Variants in PIP5K1C observed in about 807,000 individuals in gnomAD.
PIP5K1C encodes phosphatidylinositol 4-phosphate 5-kinase type-1 gamma.
In PIP5K1C, 45 loss-of-function variants were observed where a neutral mutation model predicts 80.1. The ratio of observed to expected loss-of-function variants is 0.56; its 90% CI spans 0.44 to 0.72. The LOEUF (loss-of-function observed/expected upper bound fraction) is 0.72. Ranked by LOEUF, PIP5K1C falls within the 30% of genes least tolerant of loss-of-function variation. The pLI, the probability that PIP5K1C is intolerant of heterozygous loss-of-function variation, is 0.00. For synonymous variants in PIP5K1C, 498 were observed against 420.1 expected (o/e 1.19, Z -2.27); for missense variants, 753 against 954.6 (o/e 0.79, Z 2.78).
intron 1 of PIP5K1C, among the ~76,000 whole-genome samples, chr19:3,690,164 A>G (rs1279869256): frequency 6.6e-6 from 1 of 151,818 alleles, no homozygotes; most frequent in Non-Finnish European, 1.5e-5. Context: ...ACATGGCTGT[A>G]GCATGAAGGT....
rs558732014 is a variant in PIP5K1C at position 3,688,341 on chromosome 19, G to A, written c.94+11956C>T. ...GTGGTGGGAAACAGAGCGGGGTGCCGCAGGGGAGCCCGCAGGAGCTCCTGT... is the reference window on the plus strand; with the variant it reads ...GTGGTGGGAAACAGAGCGGGGTGCCACAGGGGAGCCCGCAGGAGCTCCTGT... On this transcript the variant is annotated intron_variant, in intron 1 of 17. Coordinates refer to ENST00000335312, the MANE Select transcript of PIP5K1C (RefSeq NM_012398.3). The surrounding 1 kb of genome is among the most constrained non-coding windows in gnomAD (Gnocchi z 5.3). 5.9e-5 allele frequency among the ~76,000 whole-genome samples: 9 copies of A among 152,274 alleles called. No homozygotes were observed. The highest frequency in any genetic ancestry group is 1.2e-4 in the Non-Finnish European group (8 of 68,002).
At chr19:3,671,945 G>A (rs890464338) in intron 1 of PIP5K1C, among the ~76,000 whole-genome samples, 2 of 152,228 alleles carry the variant, frequency 1.3e-5, no homozygotes, top group Admixed American at 1.3e-4. Flanking sequence ...GTCGGGGGAG[G>A]AAAGGCGAGC....
intron 5 of PIP5K1C, 44 bp from the exon 6 acceptor site, chr19:3,656,601 C>A: frequency 2.5e-6 from 4 of 1,608,306 alleles, no homozygotes; most frequent in Non-Finnish European, 3.4e-6. Flanking sequence ...AGCTGCCGGA[C>A]ACACAGACAG....
At chr19:3,684,191 G>A (rs993282342) in intron 1 of PIP5K1C, among the ~76,000 whole-genome samples, 2 of 152,140 alleles carry the variant, frequency 1.3e-5, no homozygotes, top group African/African-American at 2.4e-5. Context: ...CGCTCACAGC[G>A]CTGCAGTGGT....
In PIP5K1C at chr19:3,660,978, T is replaced by C; in HGVS notation, c.456A>G (p.Pro152=). The C allele has an allele frequency of 6.2e-7, 1 of 1,612,876 alleles. No individual in the cohort carries two copies. Among genetic ancestry groups the C allele is most frequent in the Non-Finnish European group, 8.5e-7 (1 of 1,179,002 alleles). ...CAAATATGCTTACCAAGTAATCATC[T>C]GGCCGGATCCCAAAGAGCTCCCGGA... The part of the protein sequence containing the change: ...RYFRELFGIR[P]DDYLYSLCNE... Residue 152 remains proline (P), a synonymous_variant, in exon 5 of 18, where the codon CCA becomes CCG. Transcript: ENST00000335312.
rs116202378 is a variant in PIP5K1C, at chr19:3,660,990, A to G, written c.444T>C (p.Phe148=). The G allele has an allele frequency of 1.9e-6, 3 of 1,613,750 alleles. No individual in the cohort carries two copies. Among genetic ancestry groups the G allele is most frequent in the Non-Finnish European group, 1.7e-6 (2 of 1,179,716 alleles). Residue 148 remains phenylalanine, a synonymous_variant, in exon 5 of 18, where the codon TTT becomes TTC. Transcript: ENST00000335312. ...PVAFRYFREL[F]GIRPDDYLYS... The stretch of plus-strand genomic sequence containing the variant: ...CCAAGTAATCATCTGGCCGGATCCC[A>G]AAGAGCTCCCGGAAGTAGCGGAAGG...
Position 3,633,561 on chromosome 19 carries a change from G to A in PIP5K1C, c.1921-41C>T, listed in dbSNP as rs762203485. 55 of 1,395,636 alleles carry A rather than the reference G, an allele frequency of 3.9e-5. 1 individual carries two copies. Among genetic ancestry groups the A allele is most frequent in the Non-Finnish European group, 5.0e-5 (52 of 1,050,234 alleles). 86.5% of individuals were successfully genotyped at this position (1,395,636 alleles called of 1,614,324 possible). ...GCGTGCAGGAGGGCGCGGAAGAGCAGGGTGCGAGGAGGTGCAAGAGAGGCA... is the reference window on the plus strand; with the variant it reads ...GCGTGCAGGAGGGCGCGGAAGAGCAAGGTGCGAGGAGGTGCAAGAGAGGCA... On this transcript the variant is annotated intron_variant, in intron 16 of 17. Transcript: ENST00000335312.
At chr19:3,677,073 G>A (rs2035381937) in intron 1 of PIP5K1C, among the ~76,000 whole-genome samples, 2 of 152,072 alleles carry the variant, frequency 1.3e-5, no homozygotes, top group South Asian at 4.1e-4. Flanking sequence ...CTGCACTCTA[G>A]CCTGGGCAAC....
rs1484291922 is a variant in PIP5K1C, at chr19:3,688,451, C to G, written c.94+11846G>C. ...GAAGACCGGAAGGCTATTTCCAGGG[C>G]AGCACCCCCAGGACTCTGGGGCACA... On this transcript the variant is annotated intron_variant, in intron 1 of 17. Coordinates refer to ENST00000335312, the MANE Select transcript of PIP5K1C (RefSeq NM_012398.3). This position sits in a 1 kb window ranked among gnomAD's most constrained non-coding sequence, Gnocchi z 5.3. Among the ~76,000 whole-genome samples, 1 of 152,116 alleles carries G rather than the reference C, an allele frequency of 6.6e-6. No individual in the cohort carries two copies. The highest frequency in any genetic ancestry group is 1.9e-4 in the East Asian group (1 of 5,174).
intron 10 of PIP5K1C, 94 bp from the exon 11 acceptor site, chr19:3,646,152 G>C (rs1311911268): frequency 1.0e-5 from 8 of 784,672 alleles, no homozygotes; most frequent in Non-Finnish European, 1.8e-5. Context: ...TGTGTGGGGG[G>C]CACCTTCTGT....
chr19:3,693,228 A>G (rs559516011), intron 1 of PIP5K1C, among the ~76,000 whole-genome samples: 2 of 152,276 alleles, frequency 1.3e-5, no homozygotes, highest in African/African-American at 4.8e-5. Context: ...CTTCAGCAGC[A>G]GCCCTGCCTG....
chr19:3,687,574 CGCACACACAT>C (rs577103333), intron 1 of PIP5K1C, among the ~76,000 whole-genome samples: 75 of 149,812 alleles, frequency 5.0e-4, no homozygotes, highest in African/African-American at 1.8e-3. Context: ...CACATGCACA[CGCACACACAT>C]GCAGATACAC....
chr19:3,633,560 A>G (rs777096678), intron 16 of PIP5K1C, 40 bp from the exon 17 acceptor site: 86 of 1,392,384 alleles, frequency 6.2e-5, no homozygotes, highest in Non-Finnish European at 7.0e-5. Flanking sequence ...GCGGAAGAGC[A>G]GGGTGCGAGG....
At chr19:3,665,994 G>T (rs560581747) in intron 2 of PIP5K1C, among the ~76,000 whole-genome samples, 1 of 152,138 alleles carries the variant, frequency 6.6e-6, no homozygotes, top group Non-Finnish European at 1.5e-5. Context: ...ACGCTGCTCA[G>T]CCATGTTCCC....
chr19:3,665,096 G>A (rs1051683063), intron 2 of PIP5K1C, among the ~76,000 whole-genome samples, 182 bp from the exon 3 acceptor site: 5 of 152,184 alleles, frequency 3.3e-5, no homozygotes, highest in East Asian at 1.9e-4. Context: ...GGCGCCTGGC[G>A]GGCTGGCTGG....
In PIP5K1C at chr19:3,650,105, G is replaced by T. The variant is rs150478628; in HGVS notation, c.1128-1397C>A. ...CCCCCGCAGCTACACCCTGGTTGGGGCCCCGGCTCCTCCTCTGCCATCCAT... is the reference window on the plus strand; with the variant it reads ...CCCCCGCAGCTACACCCTGGTTGGGTCCCCGGCTCCTCCTCTGCCATCCAT... On this transcript the variant is annotated intron_variant, in intron 8 of 17. Coordinates refer to ENST00000335312, the MANE Select transcript of PIP5K1C (RefSeq NM_012398.3). The T allele has an allele frequency of 7.2e-4, 112 of 156,026 alleles. 1 individual carries two copies. The East Asian group carries it at 0.019, about 27-fold the overall frequency. 9.7% of individuals were successfully genotyped at this position (156,026 alleles called of 1,614,324 possible). A position where few individuals can be genotyped will look rare whatever the true frequency, so the allele number is the denominator to read the frequency against.
intron 5 of PIP5K1C, among the ~76,000 whole-genome samples, chr19:3,658,548 G>A (rs1037274292): frequency 6.6e-5 from 10 of 152,232 alleles, no homozygotes; most frequent in Admixed American, 2.0e-4. Flanking sequence ...GAGCGAAGGC[G>A]GGTCTCTCCT....
At chr19:3,655,422 CATAAATAA>C (rs917207766) in intron 6 of PIP5K1C, among the ~76,000 whole-genome samples, 1 of 152,144 alleles carries the variant, frequency 6.6e-6, no homozygotes, top group Non-Finnish European at 1.5e-5. Context: ...CGTCTCAAAA[CATAAATAA>C]ATAAATAAAA....
chr19:3,662,710 T>G (rs539226321), intron 3 of PIP5K1C, among the ~76,000 whole-genome samples: 2 of 151,772 alleles, frequency 1.3e-5, no homozygotes, highest in South Asian at 4.2e-4. Context: ...GGATTATAGG[T>G]GCGCGCCGTC....
Sources: gnomAD v4.1 joint callset for allele counts (sites outside exome capture counted in the v4.1 genomes callset) on GRCh38, gnomAD v4.1.1 for gene constraint, Gnocchi (gnomAD v3.1) non-coding constraint, MANE v1.5 for transcripts, NCBI Gene and HGNC (gene_info 2026-07-23, HGNC 2026-07-21) for gene names.